The following COA1 variants were observed in gnomAD, a reference collection of about 807,000 sequenced individuals.
COA1 encodes cytochrome c oxidase assembly factor 1 homolog.
A neutral mutation model predicts 16.0 loss-of-function variants in COA1; 13 were observed. The observed-to-expected ratio is 0.81, with a 90% CI of 0.53 to 1.29. The LOEUF (loss-of-function observed/expected upper bound fraction) is 1.29. Among genes scored for constraint, COA1 ranks in the 50% most tolerant of loss-of-function variants. The pLI is 0.00. For missense variants in COA1, 179 were observed against 177.0 expected (o/e 1.01, Z -0.06); for synonymous variants, 65 against 65.7 (o/e 0.99, Z 0.05).
chr7:43,674,599 A>G (rs1443621304), intron 1 of COA1, among the ~76,000 whole-genome samples: 1 of 152,266 alleles, frequency 6.6e-6, no homozygotes, highest in Admixed American at 6.5e-5. Context: ...TCCTTGTGTT[A>G]GAAAAGAATT....
At chr7:43,618,395 C>T (rs922658976) in intron 6 of COA1, among the ~76,000 whole-genome samples, 5 of 152,096 alleles carry the variant, frequency 3.3e-5, no homozygotes, top group Non-Finnish European at 7.4e-5. Flanking sequence ...GTGGGAGTAG[C>T]TGTGTTATTT....
At chr7:43,690,802 A>G (rs1428870946) in intron 1 of COA1, among the ~76,000 whole-genome samples, 2 of 152,212 alleles carry the variant, frequency 1.3e-5, no homozygotes, top group African/African-American at 4.8e-5. Flanking sequence ...TGCCTGTAAG[A>G]ATTAGTTGGT....
At chr7:43,690,177 T>C (rs1357221419) in intron 1 of COA1, among the ~76,000 whole-genome samples, 2 of 152,146 alleles carry the variant, frequency 1.3e-5, no homozygotes, top group African/African-American at 4.8e-5. Flanking sequence ...GTACAACCAC[T>C]ATGAAAAACA....
chr7:43,619,299 G>A (rs937121476), intron 6 of COA1, among the ~76,000 whole-genome samples: 7 of 152,200 alleles, frequency 4.6e-5, no homozygotes, highest in Admixed American at 1.3e-4. Context: ...AGGAGCAAGC[G>A]TGCTGCATGC....
intron 3 of COA1, chr7:43,647,225 C>G (rs1227206817): frequency 1.4e-5 from 6 of 430,564 alleles, no homozygotes; most frequent in Non-Finnish European, 2.5e-5. Flanking sequence ...TTCCCTCTGT[C>G]CCTTCTTTAT....
intron 1 of COA1, among the ~76,000 whole-genome samples, chr7:43,652,220 T>C (rs139555321): frequency 6.6e-6 from 1 of 152,276 alleles, no homozygotes; most frequent in Non-Finnish European, 1.5e-5. Context: ...ACACAGGCCA[T>C]GTGACATTCC....
chr7:43,671,812 C>G (rs115069627), intron 1 of COA1, among the ~76,000 whole-genome samples: 2,758 of 152,168 alleles, frequency 0.018, 60 homozygotes, highest in African/African-American at 0.061. Flanking sequence ...CTCATGAGAT[C>G]TGGTGGTTTT....
chr7:43,677,956 T>A (rs950513868), intron 1 of COA1, among the ~76,000 whole-genome samples: 1 of 152,160 alleles, frequency 6.6e-6, no homozygotes, highest in South Asian at 2.1e-4. Flanking sequence ...TAATGAGCTG[T>A]ACCTTTTTCC....
At chr7:43,635,254 C>G (rs547053592), downstream of COA1, among the ~76,000 whole-genome samples, 5 of 152,150 alleles carry the variant, frequency 3.3e-5, no homozygotes, top group Non-Finnish European at 7.3e-5. Context: ...TAAGCCATGT[C>G]TTAGGTTAAA....
chr7:43,713,776 G>A (rs1020030671), intron 1 of COA1, among the ~76,000 whole-genome samples: 1 of 152,070 alleles, frequency 6.6e-6, no homozygotes, highest in African/African-American at 2.4e-5. Context: ...CACTGGCTCA[G>A]GCCTGTAATT....
chr7:43,724,280 C>T (rs775591536), intron 1 of COA1, among the ~76,000 whole-genome samples: 1 of 151,524 alleles, frequency 6.6e-6, no homozygotes, highest in Non-Finnish European at 1.5e-5. Context: ...CAGCCAGGCG[C>T]GGTGGCTCAC....
chr7:43,613,918 A>G (rs1157919029), intron 6 of COA1, among the ~76,000 whole-genome samples: 1 of 152,178 alleles, frequency 6.6e-6, no homozygotes, highest in South Asian at 2.1e-4. Context: ...GACTTTCCAT[A>G]TGAGATTTAA....
chr7:43,710,373 A>AAAAAT (rs2095189010), intron 1 of COA1, among the ~76,000 whole-genome samples: 1 of 57,078 alleles, frequency 1.8e-5, no homozygotes, highest in Non-Finnish European at 3.2e-5. Flanking sequence ...AAAAAAAAAA[A>AAAAAT]AAATATATAT....
At chr7:43,717,570 G>C (rs1175739204) in intron 1 of COA1, among the ~76,000 whole-genome samples, 1 of 152,174 alleles carries the variant, frequency 6.6e-6, no homozygotes, top group Admixed American at 6.5e-5. Flanking sequence ...GACTTGCCTT[G>C]TCTCAGATGA....
At chr7:43,664,103 A>AAAAGAGAGAGAGAGAGAGAGAG (rs1554520108) in intron 1 of COA1, among the ~76,000 whole-genome samples, 1 of 135,144 alleles carries the variant, frequency 7.4e-6, no homozygotes, top group Non-Finnish European at 1.5e-5. Flanking sequence ...TGTCTTTAGA[A>AAAAGAGAGAGAGAGAGAGAGAG]AGAGAGAGAG....
At chr7:43,615,182 G>A (rs2083233172) in intron 6 of COA1, among the ~76,000 whole-genome samples, 1 of 152,074 alleles carries the variant, frequency 6.6e-6, no homozygotes, top group Admixed American at 6.6e-5. Flanking sequence ...TTTTTTGTTT[G>A]TTTGTTTGTT....
At chr7:43,719,306 G>A (rs1248490466) in intron 1 of COA1, among the ~76,000 whole-genome samples, 1 of 152,078 alleles carries the variant, frequency 6.6e-6, no homozygotes, top group Non-Finnish European at 1.5e-5. Context: ...TCTCCAGCAG[G>A]AATGAACTGC....
intron 1 of COA1, among the ~76,000 whole-genome samples, chr7:43,706,999 A>C (rs2095012181): frequency 6.6e-6 from 1 of 152,202 alleles, no homozygotes; most frequent in Non-Finnish European, 1.5e-5. Flanking sequence ...GGAGATGCCT[A>C]TCTTTTCTAA....
At chr7:43,651,226 T>G (rs1356669350) in intron 1 of COA1, among the ~76,000 whole-genome samples, 1 of 152,212 alleles carries the variant, frequency 6.6e-6, no homozygotes, top group Non-Finnish European at 1.5e-5. Context: ...TCAATCAGTC[T>G]ACTACATTGC....
Sources: gnomAD v4.1 joint callset for allele counts (sites outside exome capture counted in the v4.1 genomes callset) on GRCh38, gnomAD v4.1.1 for gene constraint, MANE v1.5 for transcripts, NCBI Gene and HGNC (gene_info 2026-07-23, HGNC 2026-07-21) for gene names.